GRAMD1C: variants seen among roughly 807,000 people sequenced by gnomAD.
GRAMD1C encodes the protein protein Aster-C.
GRAMD1C carries 89 observed loss-of-function variants against 97.8 expected under a neutral mutation model. The observed-to-expected ratio is 0.91, with a 90% CI of 0.77 to 1.09. GRAMD1C has a LOEUF of 1.09. Among genes scored for constraint, GRAMD1C ranks in the 50% least tolerant of loss-of-function variants. The pLI, the probability that GRAMD1C is intolerant of heterozygous loss-of-function variation, is 0.00. For synonymous variants in GRAMD1C, 256 were observed against 267.0 expected, an observed-to-expected ratio of 0.96 and a Z score of 0.40; for missense variants, 740 against 766.4, an observed-to-expected ratio of 0.97 and a Z score of 0.41.
At chr3:113,864,529 G>C (rs1484889741) in intron 2 of GRAMD1C, among the ~76,000 whole-genome samples, 1 of 152,022 alleles carries the variant, frequency 6.6e-6, no homozygotes, top group Non-Finnish European at 1.5e-5. Context: ...CCAAAAGATG[G>C]CATTAATCCC....
At position 113,938,025 on chromosome 3, in the gene GRAMD1C, A is replaced by AAT. The variant is rs1937614358; in HGVS notation, c.1634-61_1634-60insAT. ...CTTCTCAAAAAAAAAAAAAAAAAAA[A>AAT]TTTGGATCAGTTGTAATCACAATTC... On this transcript the variant is annotated intron_variant, in intron 14 of 17. Transcript: ENST00000358160. The AAT allele has an allele frequency of 4.1e-5, 34 of 835,142 alleles. No individual in the cohort carries two copies. In the African/African-American group the frequency reaches 4.2e-4, roughly 10 times the overall value. 51.7% of individuals were successfully genotyped at this position (835,142 alleles called of 1,614,324 possible).
At chr3:113,868,079 A>G (rs1487508335) in intron 2 of GRAMD1C, among the ~76,000 whole-genome samples, 1 of 152,062 alleles carries the variant, frequency 6.6e-6, no homozygotes, top group African/African-American at 2.4e-5. Flanking sequence ...CCCTCTAGTG[A>G]ATTTTTTATT....
intron 10 of GRAMD1C, among the ~76,000 whole-genome samples, chr3:113,918,724 C>T (rs1473036314): frequency 2.0e-5 from 3 of 152,218 alleles, no homozygotes; most frequent in Non-Finnish European, 4.4e-5. Flanking sequence ...GAGACAAGGT[C>T]TTGCTCTGTT....
chr3:113,870,165 C>A (rs114735358), intron 3 of GRAMD1C, among the ~76,000 whole-genome samples: 257 of 151,660 alleles, frequency 1.7e-3, no homozygotes, highest in African/African-American at 6.0e-3. Flanking sequence ...AGTTCCAGAC[C>A]AACCTGGTCA....
At chr3:113,835,872 C>T (rs1462749415), upstream of GRAMD1C, among the ~76,000 whole-genome samples, 1 of 152,152 alleles carries the variant, frequency 6.6e-6, no homozygotes, top group Admixed American at 6.5e-5. Context: ...TAACAGAACA[C>T]AGTTTATGCA....
chr3:113,831,997 G>A (rs112132657), intron 1 of GRAMD1C, among the ~76,000 whole-genome samples: 1,752 of 151,180 alleles, frequency 0.012, 36 homozygotes, highest in African/African-American at 0.039. Flanking sequence ...ATAATTTTTT[G>A]TTGAAAACTG....
intron 14 of GRAMD1C, chr3:113,937,071 A>C (rs1937591423): frequency 6.6e-6 from 1 of 152,332 alleles, no homozygotes; most frequent in African/African-American, 2.4e-5. Flanking sequence ...TAGAAATTCA[A>C]TTTCTACGTT....
chr3:113,863,333 A>T (rs1934468252), intron 2 of GRAMD1C, among the ~76,000 whole-genome samples: 2 of 152,178 alleles, frequency 1.3e-5, no homozygotes, highest in Admixed American at 1.3e-4. Flanking sequence ...TAGGCTACAG[A>T]CACAAAGGGC....
chr3:113,913,420 C>T (rs1351849957), intron 9 of GRAMD1C, among the ~76,000 whole-genome samples: 1 of 111,184 alleles, frequency 9.0e-6, no homozygotes, highest in African/African-American at 3.6e-5. Flanking sequence ...AAGAGTGAGA[C>T]TCTGTCTCCA....
chr3:113,884,484 T>G (rs1016647809), intron 6 of GRAMD1C, among the ~76,000 whole-genome samples: 1 of 152,158 alleles, frequency 6.6e-6, no homozygotes, highest in Non-Finnish European at 1.5e-5. Context: ...TTTATAACTG[T>G]AAACATCTAT....
chr3:113,923,877 G>A (rs1280370031), intron 10 of GRAMD1C, among the ~76,000 whole-genome samples: 1 of 152,040 alleles, frequency 6.6e-6, no homozygotes, highest in Non-Finnish European at 1.5e-5. Flanking sequence ...TTACATGTCT[G>A]GTAGAATTTG....
At chr3:113,913,259 G>A (rs1482299677) in intron 9 of GRAMD1C, 13 of 426,058 alleles carry the variant, frequency 3.1e-5, no homozygotes, top group South Asian at 1.3e-4. Flanking sequence ...ATGTGGTGGC[G>A]CGCGCTTGTA....
intron 13 of GRAMD1C, among the ~76,000 whole-genome samples, chr3:113,935,746 C>A (rs573745234): frequency 4.1e-4 from 63 of 151,968 alleles, no homozygotes; most frequent in African/African-American, 1.2e-3. Context: ...TTAGTTTGGC[C>A]ACTGAATAAG....
chr3:113,927,609 G>A (rs1007832170), intron 10 of GRAMD1C, among the ~76,000 whole-genome samples: 22 of 152,178 alleles, frequency 1.4e-4, no homozygotes, highest in East Asian at 9.6e-4. Context: ...AGGGGAACAC[G>A]GGGTTGTGCC....
At chr3:113,843,159 T>G (rs1332712708) in intron 1 of GRAMD1C, among the ~76,000 whole-genome samples, 1 of 150,964 alleles carries the variant, frequency 6.6e-6, no homozygotes, top group East Asian at 1.9e-4. Context: ...ACTACAGTCT[T>G]GACCTCCCAG....
chr3:113,903,996 A>G, intron 7 of GRAMD1C, 144 bp from the exon 8 acceptor site: 1 of 528,698 alleles, frequency 1.9e-6, no homozygotes, highest in East Asian at 3.1e-5. Flanking sequence ...TAGCCTTGTT[A>G]TAAGTAAACA....
At position 113,844,634 on chromosome 3, in the gene GRAMD1C, T is replaced by TTACAC; in HGVS notation, c.159_160insTACAC (p.Asp54TyrfsTer33). 6.3e-7 allele frequency: 1 copy of TTACAC among 1,584,682 alleles called. No individual in the cohort carries two copies. The highest frequency in any genetic ancestry group is 8.5e-7 in the Non-Finnish European group (1 of 1,169,874). On this transcript the variant is annotated frameshift_variant, in exon 2 of 18. Coordinates refer to ENST00000358160, the MANE Select transcript of GRAMD1C (RefSeq NM_017577.5). LOFTEE classifies it high-confidence loss of function. ...GGCCAAATTTACATAATTGGAGTGGTGACTGGAGCTTTTGGGTAATTTCTT... is the reference window on the plus strand; with the variant it reads ...GGCCAAATTTACATAATTGGAGTGGTTACACGACTGGAGCTTTTGGGTAATTTCTT...
At chr3:113,841,520 C>A (rs534193241) in intron 1 of GRAMD1C, among the ~76,000 whole-genome samples, 1 of 152,098 alleles carries the variant, frequency 6.6e-6, no homozygotes, top group South Asian at 2.1e-4. Flanking sequence ...GAACTCCTGA[C>A]CTCGTGATCC....
chr3:113,902,641 A>T (rs955497378), intron 7 of GRAMD1C, among the ~76,000 whole-genome samples: 1 of 152,038 alleles, frequency 6.6e-6, no homozygotes, highest in African/African-American at 2.4e-5. Context: ...CTGGCGATTG[A>T]ATGCTTTCTT....
Sources: allele counts gnomAD v4.1 joint callset (sites outside exome capture counted in the v4.1 genomes callset), GRCh38; gene constraint gnomAD v4.1.1; transcripts MANE v1.5; gene names NCBI Gene and HGNC (gene_info 2026-07-23, HGNC 2026-07-21).